The following DIP2A variants were observed in gnomAD, a reference collection of about 807,000 sequenced individuals.
DIP2A encodes the protein disco-interacting protein 2 homolog A.
A neutral mutation model predicts 177.4 loss-of-function variants in DIP2A; 85 were observed. The observed-to-expected ratio is 0.48, with a 90% CI of 0.40 to 0.57. The LOEUF is 0.57. Among genes scored for constraint, DIP2A ranks in the 20% least tolerant of loss-of-function variants. The pLI, the probability that DIP2A is intolerant of heterozygous loss-of-function variation, is 0.00. For missense variants in DIP2A, 1,791 were observed against 2,100.2 expected, an observed-to-expected ratio of 0.85 and a Z score of 2.88; for synonymous variants, 886 against 881.8, an observed-to-expected ratio of 1.00 and a Z score of -0.08.
chr21:46,533,473 C>T, intron 10 of DIP2A, 51 bp from the exon 11 acceptor site: 1 of 1,588,336 alleles, frequency 6.3e-7, no homozygotes, highest in South Asian at 1.1e-5. Flanking sequence ...GGGTCTGGGG[C>T]TGTGGCTGCT....
rs543037151 is a variant in DIP2A at position 46,482,368 on chromosome 21, A to G, written c.92-2389A>G. 2.0e-5 allele frequency among the ~76,000 whole-genome samples: 3 copies of G among 152,356 alleles called. No individual in the cohort carries two copies. The South Asian group carries it at 6.2e-4, about 32-fold the overall frequency. On this transcript the variant is annotated intron_variant, in intron 1 of 37. Transcript: ENST00000417564. ...CTTACCACCTAGTGACCTTGTAGCC[A>G]TTGTAACACAACACATTACTCACGT...
chr21:46,533,785 C>T, intron 11 of DIP2A, 138 bp downstream of exon 11: 1 of 1,358,462 alleles, frequency 7.4e-7, no homozygotes, highest in Non-Finnish European at 1.0e-6. Flanking sequence ...CTTGGTGAAT[C>T]TCGGTTTTCA....
In DIP2A at chr21:46,537,780, C is replaced by T. The variant is rs2059633983; in HGVS notation, c.1801+241C>T. 6.6e-6 allele frequency among the ~76,000 whole-genome samples: 1 copy of T among 152,082 alleles called. No homozygotes were observed. The highest frequency in any genetic ancestry group is 2.1e-4 in the South Asian group (1 of 4,814). ...GTAGGGCCACTTGGTGGGGTCTGGG[C>T]CTTACTTCTCTCAACGGTTGAGGTG... On this transcript the variant is annotated intron_variant, in intron 15 of 37. Coordinates refer to ENST00000417564, the MANE Select transcript of DIP2A (RefSeq NM_015151.4). This position sits in a 1 kb window ranked among gnomAD's most constrained non-coding sequence, Gnocchi z 4.1.
Position 46,558,293 on chromosome 21 carries a change from T to A in DIP2A, c.3869T>A (p.Leu1290Gln). ...GCCGAGGAGCGGCCCAGGATTGCGC[T>A]GACCCAGTCCTTCTCCAAGCTCTTC... ...VVAEERPRIA[L>Q]TQSFSKLFKD... Residue 1290 changes from leucine (L) to glutamine (Q), a missense_variant, in exon 32 of 38, where the codon CTG becomes CAG. Coordinates refer to ENST00000417564, the MANE Select transcript of DIP2A (RefSeq NM_015151.4). 1 of 1,611,730 alleles carries A rather than the reference T, an allele frequency of 6.2e-7. No homozygotes were observed. The highest frequency in any genetic ancestry group is 8.5e-7 in the Non-Finnish European group (1 of 1,179,522).
At chr21:46,534,271 C>G (rs1417260761) in intron 12 of DIP2A, among the ~76,000 whole-genome samples, 158 bp downstream of exon 12, 1 of 152,174 alleles carries the variant, frequency 6.6e-6, no homozygotes, top group Non-Finnish European at 1.5e-5. Flanking sequence ...TCATATAAAT[C>G]CTTGCTCAGA....
chr21:46,561,918 T>C (rs958524061), intron 34 of DIP2A, 113 bp downstream of exon 34: 1 of 1,508,288 alleles, frequency 6.6e-7, no homozygotes, highest in South Asian at 1.3e-5. Flanking sequence ...GGTCGACTTC[T>C]GGTTGGGGTG....
At chr21:46,495,240 T>TCTCTCTCTCTCTCTCTCTC (rs60545868) in intron 3 of DIP2A, among the ~76,000 whole-genome samples, 3 of 47,920 alleles carry the variant, frequency 6.3e-5, no homozygotes, top group Non-Finnish European at 7.4e-5. Context: ...TTCTCTTCTC[T>TCTCTCTCTCTCTCTCTCTC]TCTTTCTCTC....
At position 46,534,663 on chromosome 21, in the gene DIP2A, A is replaced by G. The variant is rs1265732148; in HGVS notation, c.1618A>G (p.Thr540Ala). 3 of 1,610,198 alleles carry G rather than the reference A, an allele frequency of 1.9e-6. No homozygotes were observed. Among genetic ancestry groups the G allele is most frequent in the Non-Finnish European group, 2.5e-6 (3 of 1,179,716 alleles). ...CCTGCTGGCACAGTGCCGGGCTCTG[A>G]CCCAGGCGTGCGGGTACTCAGAAGG... ...ASLLAQCRAL[T>A]QACGYSEAET... The change falls in exon 13 of 38, where the codon ACC becomes GCC. Residue 540 changes from threonine to alanine, a missense_variant. Transcript: ENST00000417564.
intron 1 of DIP2A, among the ~76,000 whole-genome samples, chr21:46,475,325 A>G (rs1322798750): frequency 6.6e-6 from 1 of 152,180 alleles, no homozygotes; most frequent in African/African-American, 2.4e-5. Context: ...TTATACACAA[A>G]CTTGTTAGCC....
intron 19 of DIP2A, 92 bp from the exon 20 acceptor site, chr21:46,545,789 C>A: frequency 1.4e-6 from 2 of 1,436,890 alleles, no homozygotes; most frequent in Middle Eastern, 1.8e-4. Context: ...CAGGCGCACA[C>A]GTGGTGCTGA....
chr21:46,459,483 C>G (rs980938923), intron 1 of DIP2A, among the ~76,000 whole-genome samples: 2 of 147,470 alleles, frequency 1.4e-5, no homozygotes, highest in African/African-American at 5.0e-5. Context: ...CCAGCACGAC[C>G]CCTCGCCCCG....
chr21:46,467,565 A>C (rs944998269), intron 1 of DIP2A, among the ~76,000 whole-genome samples: 3 of 152,174 alleles, frequency 2.0e-5, no homozygotes, highest in Admixed American at 6.5e-5. Context: ...GTAACATTTT[A>C]AAGCTATTGC....
At chr21:46,468,820 A>G (rs2055093603) in intron 1 of DIP2A, among the ~76,000 whole-genome samples, 1 of 152,238 alleles carries the variant, frequency 6.6e-6, no homozygotes. Flanking sequence ...TATATTAAAT[A>G]TGCACGAGTT....
chr21:46,532,596 AAAACC>A (rs2059399060), intron 10 of DIP2A, among the ~76,000 whole-genome samples: 3 of 152,196 alleles, frequency 2.0e-5, no homozygotes, highest in Admixed American at 2.0e-4. Context: ...ACTTTTCCTC[AAAACC>A]ATATGTTTAT....
chr21:46,548,462 G>A (rs1195801270), intron 21 of DIP2A, among the ~76,000 whole-genome samples: 1 of 152,176 alleles, frequency 6.6e-6, no homozygotes, highest in African/African-American at 2.4e-5. Flanking sequence ...CTTGGAAGTG[G>A]AACCACAACC....
chr21:46,557,344 C>A lies in DIP2A; in HGVS notation c.3630-241C>A, dbSNP rs1365680637. On this transcript the variant is annotated intron_variant, in intron 30 of 37. Transcript: ENST00000417564. This position sits in a 1 kb window ranked among gnomAD's most constrained non-coding sequence, Gnocchi z 6.0. ...GGCGATCCGTCTCTAGAAGTGAATG[C>A]CTCTGGAGTGGTGTCCCCGGATCCT... is the stretch of plus-strand genomic sequence containing the variant. 2 of 632,230 alleles carry A rather than the reference C, an allele frequency of 3.2e-6. No individual in the cohort carries two copies. Among genetic ancestry groups the A allele is most frequent in the Admixed American group, 5.9e-5 (2 of 33,792 alleles). The allele number at this position is 632,230 out of a possible 1,614,324, so 39.2% of individuals were successfully genotyped here.
chr21:46,545,361 A>G, intron 19 of DIP2A, 88 bp downstream of exon 19: 3 of 1,471,146 alleles, frequency 2.0e-6, no homozygotes, highest in Non-Finnish European at 2.8e-6. Flanking sequence ...GGGGGATTGC[A>G]GAGGCTGCGG....
chr21:46,575,530 A>G, the DIP2A span, among the ~76,000 whole-genome samples: 1 of 151,662 alleles, frequency 6.6e-6, no homozygotes, highest in South Asian at 2.1e-4. Flanking sequence ...AGATTCCACA[A>G]AAAAAAGTAG....
At chr21:46,559,719 A>G (rs2060602855) in intron 32 of DIP2A, among the ~76,000 whole-genome samples, 1 of 152,174 alleles carries the variant, frequency 6.6e-6, no homozygotes, top group Non-Finnish European at 1.5e-5. Context: ...TAAGATACAG[A>G]GGTGGGTTTT....
Sources: allele counts gnomAD v4.1 joint callset (sites outside exome capture counted in the v4.1 genomes callset), GRCh38; gene constraint gnomAD v4.1.1; non-coding constraint Gnocchi (gnomAD v3.1); transcripts MANE v1.5; gene names NCBI Gene and HGNC (gene_info 2026-07-23, HGNC 2026-07-21).